Variants in CNTNAP2 observed in about 807,000 individuals in gnomAD.
CNTNAP2 encodes contactin-associated protein-like 2.
In CNTNAP2, 98 loss-of-function variants were observed where a neutral mutation model predicts 155.2. The ratio of observed to expected loss-of-function variants is 0.63; its 90% CI spans 0.54 to 0.75. The LOEUF (loss-of-function observed/expected upper bound fraction) is 0.75. CNTNAP2 is among the 30% of genes least tolerant of loss of function. The pLI, the probability that CNTNAP2 is intolerant of heterozygous loss-of-function variation, is 0.00. For synonymous variants in CNTNAP2, 651 were observed against 631.2 expected (o/e 1.03, Z -0.47); for missense variants, 1,727 against 1,688.1 (o/e 1.02, Z -0.40).
At chr7:147,824,026 G>T (rs920282401) in intron 13 of CNTNAP2, among the ~76,000 whole-genome samples, 3 of 152,084 alleles carry the variant, frequency 2.0e-5, no homozygotes, top group East Asian at 3.9e-4. Context: ...TATGGGGATG[G>T]CTTATCTATA....
At chr7:146,730,617 C>A (rs1196230268) in intron 1 of CNTNAP2, among the ~76,000 whole-genome samples, 1 of 152,100 alleles carries the variant, frequency 6.6e-6, no homozygotes, top group Non-Finnish European at 1.5e-5. Flanking sequence ...ATGCCCCATC[C>A]TTTCCTCCTG....
In CNTNAP2 at chr7:148,120,823, G is replaced by A. The variant is rs908543127; in HGVS notation, c.2554+2535G>A. ...AGAGAGGGTGGAAAGACATTTTCAC[G>A]ATCCCCAAAATGTCACATATTAGAT... is the stretch of plus-strand genomic sequence containing the variant. On this transcript the variant is annotated intron_variant, in intron 16 of 23. Coordinates refer to ENST00000361727, the MANE Select transcript of CNTNAP2 (RefSeq NM_014141.6). Among the ~76,000 whole-genome samples, 24 of 152,094 alleles carry A rather than the reference G, an allele frequency of 1.6e-4. No homozygotes were observed. The East Asian group carries it at 3.9e-3, about 25-fold the overall frequency.
chr7:147,605,889 TTCTC>T (rs957774606), intron 12 of CNTNAP2, among the ~76,000 whole-genome samples: 4 of 150,908 alleles, frequency 2.7e-5, no homozygotes, highest in Non-Finnish European at 5.9e-5. Context: ...CCCTCTTCCC[TTCTC>T]TCTCTCTCTC....
rs369957119 is a variant in CNTNAP2 at position 148,388,915 on chromosome 7, G to A, written c.3715+5027G>A. On this transcript the variant is annotated intron_variant, in intron 22 of 23. Coordinates refer to ENST00000361727, the MANE Select transcript of CNTNAP2 (RefSeq NM_014141.6). ...GAAGTTTTGTCTCAGAGGAGTACCC[G>A]GCCATGTGAAGTGTCAGTCTGCCCC... 1.5e-3 allele frequency among the ~76,000 whole-genome samples: 227 copies of A among 152,178 alleles called. 4 individuals are homozygous for A. The highest frequency in any genetic ancestry group is 6.8e-3 in the Middle Eastern group (2 of 294).
At position 146,330,748 on chromosome 7, in the gene CNTNAP2, A is replaced by G. The variant is rs542514376; in HGVS notation, c.97+213775A>G. Among the ~76,000 whole-genome samples the G allele has an allele frequency of 6.6e-5, 10 of 152,296 alleles. No homozygotes were observed. In the South Asian group the frequency reaches 1.9e-3, roughly 28 times the overall value. ...AAGTGGCGATTTTATGGTGGCTTGG[A>G]TTAGGATAGTAGCGACAAAAATGGG... On this transcript the variant is annotated intron_variant, in intron 1 of 23. Coordinates refer to ENST00000361727, the MANE Select transcript of CNTNAP2 (RefSeq NM_014141.6).
intron 21 of CNTNAP2, among the ~76,000 whole-genome samples, chr7:148,357,207 C>T (rs1798533764): frequency 6.6e-6 from 1 of 152,134 alleles, no homozygotes; most frequent in South Asian, 2.1e-4. Flanking sequence ...AAATGAGTCT[C>T]ATGAGATCTG....
chr7:147,347,216 T>G (rs1259281674), intron 9 of CNTNAP2, among the ~76,000 whole-genome samples: 1 of 152,000 alleles, frequency 6.6e-6, no homozygotes, highest in East Asian at 1.9e-4. Context: ...GGAAGTCATC[T>G]TCCCTTGATG....
intron 8 of CNTNAP2, among the ~76,000 whole-genome samples, chr7:147,297,942 T>C (rs1254619224): frequency 6.6e-6 from 1 of 152,208 alleles, no homozygotes; most frequent in African/African-American, 2.4e-5. Flanking sequence ...TACGTAGTAG[T>C]TGGATTGCTG....
Position 147,829,261 on chromosome 7 carries a change from T to C in CNTNAP2, c.2099-74304T>C, listed in dbSNP as rs191441390. Among the ~76,000 whole-genome samples, 748 of 152,268 alleles carry C rather than the reference T, an allele frequency of 4.9e-3. 1 individual carries two copies. Among genetic ancestry groups the C allele is most frequent in the Middle Eastern group, 0.037 (11 of 294 alleles). ...AGATGGAAAGATCCTGTTTAGGATATGCAGAATCACTCTGGCAAAATCAAT... is the reference window on the plus strand; with the variant it reads ...AGATGGAAAGATCCTGTTTAGGATACGCAGAATCACTCTGGCAAAATCAAT... On this transcript the variant is annotated intron_variant, in intron 13 of 23. Transcript: ENST00000361727.
intron 5 of CNTNAP2, among the ~76,000 whole-genome samples, chr7:147,113,759 C>T (rs910152348): frequency 3.3e-5 from 5 of 152,114 alleles, no homozygotes; most frequent in Admixed American, 6.6e-5. Context: ...TCAACCAGCT[C>T]CAGGATTTAT....
At chr7:148,208,785 G>C (rs1401201949) in intron 18 of CNTNAP2, among the ~76,000 whole-genome samples, 1 of 152,132 alleles carries the variant, frequency 6.6e-6, no homozygotes, top group African/African-American at 2.4e-5. Flanking sequence ...CCTCTGAACA[G>C]CATTCTAACC....
At chr7:148,025,701 C>T (rs1305680424) in intron 15 of CNTNAP2, among the ~76,000 whole-genome samples, 2 of 152,286 alleles carry the variant, frequency 1.3e-5, no homozygotes, top group South Asian at 2.1e-4. Context: ...CACTTACTTA[C>T]TTGCAATAAC....
chr7:146,709,922 G>A (rs553443787), intron 1 of CNTNAP2, among the ~76,000 whole-genome samples: 1 of 152,236 alleles, frequency 6.6e-6, no homozygotes, highest in South Asian at 2.1e-4. Flanking sequence ...CTGAGTATGG[G>A]GATTTAGAAC....
intron 1 of CNTNAP2, among the ~76,000 whole-genome samples, chr7:146,721,469 A>G (rs1256145940): frequency 7.8e-6 from 1 of 128,972 alleles, no homozygotes; most frequent in East Asian, 2.3e-4. Flanking sequence ...TTTTATATAC[A>G]TTCTATATAT....
chr7:148,110,359 C>T (rs1215232293), intron 15 of CNTNAP2, among the ~76,000 whole-genome samples: 8 of 152,066 alleles, frequency 5.3e-5, no homozygotes, highest in East Asian at 2.0e-4. Context: ...AGCCTGCACA[C>T]GGAAACAGTG....
chr7:147,092,339 A>T (rs571969524), intron 4 of CNTNAP2, among the ~76,000 whole-genome samples: 2 of 152,336 alleles, frequency 1.3e-5, no homozygotes, highest in East Asian at 3.9e-4. Context: ...GAATTCTGCA[A>T]CTTTGCAATA....
chr7:147,827,106 A>G (rs1364969848), intron 13 of CNTNAP2, among the ~76,000 whole-genome samples: 2 of 151,680 alleles, frequency 1.3e-5, no homozygotes, highest in South Asian at 2.1e-4. Flanking sequence ...ATTTTTTTCT[A>G]TTTTCATTAG....
chr7:147,637,845 G>T (rs917237782), intron 12 of CNTNAP2, among the ~76,000 whole-genome samples: 3 of 152,034 alleles, frequency 2.0e-5, no homozygotes, highest in Admixed American at 2.0e-4. Flanking sequence ...GATAATCATT[G>T]CTTAGATCCT....
intron 18 of CNTNAP2, among the ~76,000 whole-genome samples, chr7:148,194,785 C>CT (rs1795250391): frequency 2.6e-5 from 4 of 152,184 alleles, no homozygotes; most frequent in Admixed American, 2.0e-4. Context: ...CTTCCTTCAC[C>CT]TTTTTGTTCC....
Sources: allele counts gnomAD v4.1 joint callset (sites outside exome capture counted in the v4.1 genomes callset), GRCh38; gene constraint gnomAD v4.1.1; transcripts MANE v1.5; gene names NCBI Gene and HGNC (gene_info 2026-07-23, HGNC 2026-07-21).